VCAN: variants seen among roughly 807,000 people sequenced by gnomAD.
VCAN encodes versican core protein.
In VCAN, 44 loss-of-function variants were observed where a neutral mutation model predicts 245.5. That is an observed-to-expected ratio of 0.18 (90% CI 0.14 to 0.23). VCAN has a LOEUF of 0.23. VCAN is among the 10% of genes least tolerant of loss of function. The pLI, the probability that VCAN is intolerant of heterozygous loss-of-function variation, is 1.00. For synonymous variants in VCAN, 1,413 were observed against 1,437.0 expected, an observed-to-expected ratio of 0.98 and a Z score of 0.38; for missense variants, 3,793 against 4,057.9, an observed-to-expected ratio of 0.93 and a Z score of 1.77.
chr5:83,575,758 T>C (rs897953794), intron 13 of VCAN, among the ~76,000 whole-genome samples: 3 of 152,196 alleles, frequency 2.0e-5, no homozygotes, highest in African/African-American at 4.8e-5. Flanking sequence ...CTGTCCCACG[T>C]TGAGAACCAC....
chr5:83,561,138 A>G (rs544375498), intron 12 of VCAN, among the ~76,000 whole-genome samples: 75 of 152,224 alleles, frequency 4.9e-4, no homozygotes, highest in African/African-American at 1.6e-3. Context: ...CAGGACTCAA[A>G]TGTCACACCC....
chr5:83,521,625 G>C lies in VCAN; in HGVS notation c.3319G>C (p.Gly1107Arg), dbSNP rs1313268027. The C allele has an allele frequency of 6.2e-7, 1 of 1,613,874 alleles. No homozygotes were observed. Among genetic ancestry groups the C allele is most frequent in the Non-Finnish European group, 8.5e-7 (1 of 1,180,028 alleles). The change falls in exon 7 of 15, where the codon GGT becomes CGT. Residue 1107 changes from glycine (G) to arginine (R), a missense_variant. Physicochemically the swap from Gly to Arg is moderately radical, Grantham distance 125. Transcript: ENST00000265077. ...TGATCACAGTGTGTCTTATCCACCA[G>C]GTGCTGTAACTGAGCACAAAGTGAA... ...KIDHSVSYPP[G>R]AVTEHKVKTD...
intron 13 of VCAN, 69 bp downstream of exon 13, chr5:83,572,629 G>C (rs1201184341): frequency 5.0e-6 from 8 of 1,594,786 alleles, no homozygotes; most frequent in Non-Finnish European, 6.9e-6. Context: ...TCAGGAATTT[G>C]TGTCTCAAAT....
At position 83,538,965 on chromosome 5, in the gene VCAN, G is replaced by A. The variant is rs1221819758; in HGVS notation, c.5962G>A (p.Gly1988Arg). Residue 1988 changes from glycine to arginine, a missense_variant, in exon 8 of 15, where the codon GGA becomes AGA. Around this residue, in one of 5 missense-constraint regions of VCAN, gnomAD observed 3,182 missense variants for 3,250.3 expected, o/e 0.98. Coordinates refer to ENST00000265077, the MANE Select transcript of VCAN (RefSeq NM_004385.5). ...CATCAGTCACATATCTGACTCAGAA[G>A]GACCCAGTAGCACCATGGTCAGCAC... ...VHISHISDSE[G>R]PSSTMVSTSA... 1.9e-6 allele frequency: 3 copies of A among 1,614,012 alleles called. No individual in the cohort carries two copies. The highest frequency in any genetic ancestry group is 1.7e-6 in the Non-Finnish European group (2 of 1,179,970).
At chr5:83,484,570 TC>T (rs1340715338) in intron 2 of VCAN, among the ~76,000 whole-genome samples, 1 of 152,234 alleles carries the variant, frequency 6.6e-6, no homozygotes, top group Admixed American at 6.5e-5. Context: ...CATCCATTTT[TC>T]CCACTCACCC....
At chr5:83,573,211 A>G (rs1476633625) in intron 13 of VCAN, among the ~76,000 whole-genome samples, 1 of 152,052 alleles carries the variant, frequency 6.6e-6, no homozygotes, top group Non-Finnish European at 1.5e-5. Context: ...TTCTTTTTTT[A>G]TTTTGATGAG....
intron 3 of VCAN, among the ~76,000 whole-genome samples, chr5:83,492,265 G>C (rs746723318): frequency 6.6e-6 from 1 of 152,128 alleles, no homozygotes; most frequent in Non-Finnish European, 1.5e-5. Context: ...CTTATAACTA[G>C]AAGTCAGGCT....
chr5:83,514,877 G>A (rs1409065376), intron 6 of VCAN, among the ~76,000 whole-genome samples: 2 of 152,216 alleles, frequency 1.3e-5, no homozygotes, highest in Non-Finnish European at 2.9e-5. Context: ...AAGAGTCATG[G>A]CCTCAGCTAC....
chr5:83,472,021 A>C lies in VCAN; in HGVS notation c.-9A>C, dbSNP rs955865281. 5.4e-6 allele frequency: 2 copies of C among 369,236 alleles called. No homozygotes were observed. The highest frequency in any genetic ancestry group is 9.6e-6 in the Non-Finnish European group (2 of 208,382). 22.9% of individuals were successfully genotyped at this position (369,236 alleles called of 1,614,324 possible). On this transcript the variant is annotated splice_region_variant and 5_prime_UTR_variant, in exon 1 of 15. Coordinates refer to ENST00000265077, the MANE Select transcript of VCAN (RefSeq NM_004385.5). ...CCCAAACTGCAATAAGCCGCCTTCC[A>C]AGGTAATCACGTTTCTTTTGTTCCC...
chr5:83,496,530 A>T (rs2292012), intron 5 of VCAN, among the ~76,000 whole-genome samples: 28,076 of 152,238 alleles, frequency 0.18, 5,155 homozygotes, highest in East Asian at 0.6. Flanking sequence ...GGCTGAAATC[A>T]GTGTCAGCAA....
intron 5 of VCAN, among the ~76,000 whole-genome samples, chr5:83,511,316 A>G (rs181421971): frequency 2.4e-4 from 37 of 151,932 alleles, no homozygotes; most frequent in Non-Finnish European, 4.3e-4. Context: ...GTGTCTTTGT[A>G]AGAATTAGCA....
intron 5 of VCAN, among the ~76,000 whole-genome samples, chr5:83,495,826 A>G (rs1745138672): frequency 6.6e-6 from 1 of 152,194 alleles, no homozygotes; most frequent in South Asian, 2.1e-4. Context: ...TGATTCAAAT[A>G]TGAATAAGCA....
chr5:83,518,313 A>C (rs965853491), intron 6 of VCAN, among the ~76,000 whole-genome samples: 1 of 152,134 alleles, frequency 6.6e-6, no homozygotes, highest in African/African-American at 2.4e-5. Flanking sequence ...CTTGTTTACA[A>C]ACTGTTGCTT....
intron 1 of VCAN, among the ~76,000 whole-genome samples, chr5:83,480,482 G>A (rs6867396): frequency 0.059 from 8,969 of 152,226 alleles, 374 homozygotes; most frequent in Non-Finnish European, 0.086. Flanking sequence ...TGATTCAAAA[G>A]TGTTCAAAAG....
chr5:83,564,616 A>G (rs916582657), intron 12 of VCAN, among the ~76,000 whole-genome samples: 2 of 151,948 alleles, frequency 1.3e-5, no homozygotes, highest in Non-Finnish European at 2.9e-5. Context: ...AACGCTGGAG[A>G]AAGTTTTCTT....
chr5:83,514,286 A>G (rs1397813859), intron 6 of VCAN, among the ~76,000 whole-genome samples: 2 of 152,096 alleles, frequency 1.3e-5, no homozygotes, highest in African/African-American at 2.4e-5. Context: ...TTTCCTACTT[A>G]AGACGTTATT....
chr5:83,475,559 G>A (rs771128413), intron 1 of VCAN, among the ~76,000 whole-genome samples: 4 of 152,210 alleles, frequency 2.6e-5, no homozygotes, highest in Admixed American at 6.5e-5. Context: ...TTAGTGTTCT[G>A]AGATAGAAGC....
intron 7 of VCAN, among the ~76,000 whole-genome samples, chr5:83,523,991 G>C (rs1017877713): frequency 6.6e-6 from 1 of 152,140 alleles, no homozygotes; most frequent in African/African-American, 2.4e-5. Flanking sequence ...TGGATATGCA[G>C]ATTGTTTTTC....
chr5:83,505,343 C>T (rs947252140), intron 5 of VCAN, among the ~76,000 whole-genome samples: 3 of 152,136 alleles, frequency 2.0e-5, no homozygotes, highest in African/African-American at 4.8e-5. Context: ...AATGGGGATA[C>T]AGGTATTGGG....
Sources: gnomAD v4.1 joint callset for allele counts (sites outside exome capture counted in the v4.1 genomes callset) on GRCh38, gnomAD v4.1.1 for gene constraint, gnomAD v4.1.1 regional missense constraint, MANE v1.5 for transcripts, NCBI Gene and HGNC (gene_info 2026-07-23, HGNC 2026-07-21) for gene names.